Variants in STARD9 observed in about 807,000 individuals in gnomAD.
STARD9 encodes StAR related lipid transfer domain containing 9, also known as stAR-related lipid transfer protein 9.
Under a neutral mutation model 399.8 loss-of-function variants are expected in STARD9, and 346 were observed. That is an observed-to-expected ratio of 0.87 (90% CI 0.79 to 0.95). STARD9 has a LOEUF of 0.95. Among genes scored for constraint, STARD9 ranks in the 40% least tolerant of loss-of-function variants. The pLI, the probability that STARD9 is intolerant of heterozygous loss-of-function variation, is 0.00. For synonymous variants in STARD9, 2,203 were observed against 2,143.5 expected, an observed-to-expected ratio of 1.03 and a Z score of -0.77; for missense variants, 5,832 against 5,667.5, an observed-to-expected ratio of 1.03 and a Z score of -0.93.
chr15:42,649,258 G>C (rs1399625817), intron 7 of STARD9, among the ~76,000 whole-genome samples: 1 of 152,060 alleles, frequency 6.6e-6, no homozygotes, highest in Non-Finnish European at 1.5e-5. Context: ...TTGAACTCCT[G>C]ACCTCATGAT....
chr15:42,647,797 A>G (rs2059673845), intron 7 of STARD9, among the ~76,000 whole-genome samples: 1 of 151,870 alleles, frequency 6.6e-6, no homozygotes, highest in Admixed American at 6.6e-5. Flanking sequence ...TTCCTGTTTT[A>G]TGTTCCTTTT....
rs191314640 is a variant in STARD9, at chr15:42,694,401, C to T, written c.12764+59C>T. 1.8e-5 allele frequency: 27 copies of T among 1,532,170 alleles called. No homozygotes were observed. In the East Asian group the frequency reaches 6.4e-4, roughly 36 times the overall value. 94.9% of individuals were successfully genotyped at this position (1,532,170 alleles called of 1,614,324 possible). A position where few individuals can be genotyped will look rare whatever the true frequency, so the allele number is the denominator to read the frequency against. On this transcript the variant is annotated intron_variant, in intron 23 of 32. Coordinates refer to ENST00000290607, the MANE Select transcript of STARD9 (RefSeq NM_020759.3). ...GGGGTGGGCTGTGAGGAAAGAGAAC[C>T]CAAGAAAGCTAATAGCTTGCTGTTT...
At chr15:42,666,740 G>A (rs758910906) in intron 15 of STARD9, among the ~76,000 whole-genome samples, 11 of 152,206 alleles carry the variant, frequency 7.2e-5, no homozygotes, top group Non-Finnish European at 1.2e-4. Context: ...AGAGACTGCT[G>A]TAACCCCGTG....
chr15:42,692,522 G>C lies in STARD9; in HGVS notation c.10944G>C (p.Arg3648Ser). 6.5e-7 allele frequency: 1 copy of C among 1,537,144 alleles called. No homozygotes were observed. Among genetic ancestry groups the C allele is most frequent in the Non-Finnish European group, 8.7e-7 (1 of 1,146,904 alleles). Residue 3648 changes from arginine to serine, a missense_variant, in exon 23 of 33, where the codon AGG (arginine) becomes AGC (serine). By Grantham distance (110) the Arg-to-Ser change is moderately radical. Transcript: ENST00000290607. ...FEQGTQTLGSRRHWSSTDISF... is the reference protein window; with the variant it reads ...FEQGTQTLGSSRHWSSTDISF... Reference sequence around the variant, plus strand: ...AGGGCACACAGACCCTCGGCAGCAGGCGCCACTGGAGCAGCACTGACATCT... The same window carrying C: ...AGGGCACACAGACCCTCGGCAGCAGCCGCCACTGGAGCAGCACTGACATCT...
chr15:42,665,285 A>G lies in STARD9; in HGVS notation c.1209A>G (p.Arg403=). 6.5e-7 allele frequency: 1 copy of G among 1,537,140 alleles called. No homozygotes were observed. Among genetic ancestry groups the G allele is most frequent in the Non-Finnish European group, 8.7e-7 (1 of 1,146,802 alleles). Residue 403 remains arginine, a synonymous_variant, in exon 14 of 33, where the codon AGA becomes AGG. Coordinates refer to ENST00000290607, the MANE Select transcript of STARD9 (RefSeq NM_020759.3). ...DANLKLIREL[R]EEIERLKALL... ...ACTTAAAACTGATTAGAGAACTCAG[A>G]GAAGAGATTGAAAGACTGAAAGCCC...
At chr15:42,702,906 A>G (rs1025178012) in intron 26 of STARD9, among the ~76,000 whole-genome samples, 16 of 152,096 alleles carry the variant, frequency 1.1e-4, no homozygotes, top group African/African-American at 2.2e-4. Context: ...TGCCAGACCT[A>G]TTGGAGCTCC....
Position 42,681,695 on chromosome 15 carries a change from T to C in STARD9, c.2065+83T>C. 1.6e-6 allele frequency: 2 copies of C among 1,227,592 alleles called. 1 individual carries two copies. The highest frequency in any genetic ancestry group is 3.2e-5 in the South Asian group (2 of 62,246). The allele number at this position is 1,227,592 out of a possible 1,614,324, so 76.0% of individuals were successfully genotyped here. ...TTCCTCAGCCTTCTGTATTCTCTCT[T>C]TTGTTTTCTTTGTGATATGATGGAA... On this transcript the variant is annotated intron_variant, in intron 21 of 32. Coordinates refer to ENST00000290607, the MANE Select transcript of STARD9 (RefSeq NM_020759.3).
chr15:42,673,763 A>C (rs569888732), intron 16 of STARD9, among the ~76,000 whole-genome samples: 5 of 152,224 alleles, frequency 3.3e-5, no homozygotes, highest in African/African-American at 1.2e-4. Context: ...TGTGGGTCTT[A>C]AGCAAATTTG....
intron 7 of STARD9, among the ~76,000 whole-genome samples, chr15:42,648,126 T>C (rs912167385): frequency 2.6e-5 from 4 of 152,190 alleles, no homozygotes; most frequent in Non-Finnish European, 5.9e-5. Flanking sequence ...TTGTTTTCCC[T>C]CTAGTGTGGA....
intron 10 of STARD9, among the ~76,000 whole-genome samples, chr15:42,662,447 A>G (rs2060009965): frequency 6.6e-6 from 1 of 152,250 alleles, no homozygotes; most frequent in Non-Finnish European, 1.5e-5. Context: ...CAAATACCAT[A>G]AAACTATAAA....
At chr15:42,581,014 T>A in intron 1 of STARD9, 1 of 439,776 alleles carries the variant, frequency 2.3e-6, no homozygotes, top group Non-Finnish European at 4.3e-6. Flanking sequence ...GAGACTGTAA[T>A]GGGGACTGCT....
At chr15:42,580,918 G>A (rs568871383) in intron 1 of STARD9, among the ~76,000 whole-genome samples, 1 of 152,328 alleles carries the variant, frequency 6.6e-6, no homozygotes, top group East Asian at 1.9e-4. Flanking sequence ...GTTTAACTGG[G>A]AAGGGGGACA....
intron 1 of STARD9, chr15:42,581,517 G>A: frequency 2.1e-6 from 3 of 1,423,256 alleles, no homozygotes; most frequent in Non-Finnish European, 2.9e-6. Flanking sequence ...TGGGCTTTGT[G>A]TGGCGGGTAG....
chr15:42,640,311 A>C (rs1029354292), intron 7 of STARD9, among the ~76,000 whole-genome samples: 1 of 152,210 alleles, frequency 6.6e-6, no homozygotes, highest in Non-Finnish European at 1.5e-5. Context: ...GGATGACGCA[A>C]TAGGTATGCT....
intron 3 of STARD9, among the ~76,000 whole-genome samples, chr15:42,593,812 C>T (rs1296642233): frequency 1.8e-4 from 27 of 151,282 alleles, no homozygotes; most frequent in Non-Finnish European, 3.4e-4. Flanking sequence ...TACAGGCGCC[C>T]GCCACCACGC....
chr15:42,678,174 T>C lies in STARD9; in HGVS notation c.1874+2199T>C, dbSNP rs573582609. ...TGTGGTGTGGTGCTCAAGTCCGTGA[T>C]TGGGCAAAGGGACCAGGGAGAGGAA... On this transcript the variant is annotated intron_variant, in intron 20 of 32. Coordinates refer to ENST00000290607, the MANE Select transcript of STARD9 (RefSeq NM_020759.3). Among the ~76,000 whole-genome samples, 9 of 152,290 alleles carry C rather than the reference T, an allele frequency of 5.9e-5. No individual in the cohort carries two copies. In the South Asian group the frequency reaches 1.7e-3, roughly 28 times the overall value.
At chr15:42,683,960 G>T (rs1212169599) in intron 22 of STARD9, among the ~76,000 whole-genome samples, 156 bp from the exon 23 acceptor site, 3 of 152,214 alleles carry the variant, frequency 2.0e-5, no homozygotes, top group Non-Finnish European at 4.4e-5. Context: ...GGAGAACTAG[G>T]ACTAGAGTCC....
intron 9 of STARD9, among the ~76,000 whole-genome samples, chr15:42,656,869 G>T (rs909776947): frequency 2.0e-5 from 3 of 152,128 alleles, no homozygotes; most frequent in African/African-American, 7.2e-5. Flanking sequence ...TGTGGGAAAG[G>T]GGGGTGAGGG....
intron 26 of STARD9, among the ~76,000 whole-genome samples, chr15:42,708,155 A>T (rs1222953622): frequency 1.3e-5 from 2 of 152,152 alleles, no homozygotes; most frequent in Non-Finnish European, 2.9e-5. Context: ...CCTGTTTCAA[A>T]AAAAAAAAAT....
Sources: gnomAD v4.1 joint callset for allele counts (sites outside exome capture counted in the v4.1 genomes callset) on GRCh38, gnomAD v4.1.1 for gene constraint, MANE v1.5 for transcripts, NCBI Gene and HGNC (gene_info 2026-07-23, HGNC 2026-07-21) for gene names.